HBS1L: variants seen among roughly 807,000 people sequenced by gnomAD.
HBS1L encodes HBS1-like protein.
Under a neutral mutation model 88.9 loss-of-function variants are expected in HBS1L, and 55 were observed. The observed-to-expected ratio is 0.62, with a 90% confidence interval of 0.50 to 0.77. The LOEUF (loss-of-function observed/expected upper bound fraction) is 0.77, where lower values mean the gene tolerates loss of function less well. HBS1L is among the 30% of genes least tolerant of loss of function. The probability of loss-of-function intolerance (pLI) is 0.00; values close to 1 mark genes in which losing one functional copy is unlikely to be tolerated. For synonymous variants in HBS1L, 267 were observed against 288.5 expected (o/e 0.93, Z 0.76); for missense variants, 741 against 829.3 (o/e 0.89, Z 1.31).
At position 134,963,618 on chromosome 6, in the gene HBS1L, C is replaced by A. The variant is rs758199088; in HGVS notation, c.*1661G>T. The A allele has an allele frequency of 6.6e-6, 1 of 152,194 alleles. No individual in the cohort carries two copies. Among genetic ancestry groups the A allele is most frequent in the Non-Finnish European group, 1.5e-5 (1 of 68,066 alleles). 9.4% of individuals were successfully genotyped at this position (152,194 alleles called of 1,614,324 possible). On this transcript the variant is annotated 3_prime_UTR_variant, in exon 18 of 18. Coordinates refer to ENST00000367837, the MANE Select transcript of HBS1L (RefSeq NM_006620.4). ...AATTTTTTCTGTAGAGACATGGTCT[C>A]ACTATATTGCCTTAGCTGGTCTCAA...
At chr6:135,019,664 G>A (rs1392172831) in intron 4 of HBS1L, among the ~76,000 whole-genome samples, 1 of 151,606 alleles carries the variant, frequency 6.6e-6, no homozygotes, top group African/African-American at 2.4e-5. Context: ...GACAGGGAGA[G>A]GTTACTCCAT....
chr6:135,038,662 C>T (rs1378022080), intron 4 of HBS1L, among the ~76,000 whole-genome samples: 1 of 152,160 alleles, frequency 6.6e-6, no homozygotes, highest in East Asian at 1.9e-4. Flanking sequence ...AATCGCCATA[C>T]TCAAACTGAG....
In HBS1L at chr6:135,039,762, G is replaced by A. The variant is rs755897522; in HGVS notation, c.241C>T (p.Leu81Phe). 2.5e-6 allele frequency: 4 copies of A among 1,609,380 alleles called. No homozygotes were observed. The African/African-American group carries it at 5.4e-5, about 22-fold the overall frequency. ...CTCATGTGATCAAGGCATGAATAAA[G>A]ACGAGCTAGAAAAGACGACAATGGT... ...HQLSGFDQAR[L>F]YSCLDHMREV... The change falls in exon 4 of 18, where the codon CTT becomes TTT. Residue 81 changes from leucine to phenylalanine, a missense_variant. This residue lies in a region of HBS1L where 556 missense variants were observed against 598.4 expected (regional missense o/e 0.93). Transcript: ENST00000367837.
At chr6:135,016,676 C>T (rs911344417) in intron 4 of HBS1L, among the ~76,000 whole-genome samples, 2 of 152,156 alleles carry the variant, frequency 1.3e-5, no homozygotes, top group African/African-American at 4.8e-5. Context: ...GTAGCATATA[C>T]TGTTTTCTGT....
intron 9 of HBS1L, 101 bp downstream of exon 9, chr6:134,987,544 C>A: frequency 1.3e-6 from 1 of 767,006 alleles, no homozygotes; most frequent in Non-Finnish European, 1.9e-6. Context: ...ACATGGCAAC[C>A]GACTAATAAA....
At chr6:135,053,751 A>T (rs549954089) in intron 1 of HBS1L, among the ~76,000 whole-genome samples, 1 of 152,356 alleles carries the variant, frequency 6.6e-6, no homozygotes, top group Non-Finnish European at 1.5e-5. Flanking sequence ...CGTAAAGCAT[A>T]GTTCTTTATT....
At position 134,963,803 on chromosome 6, in the gene HBS1L, G is replaced by A. The variant is rs1774239428; in HGVS notation, c.*1476C>T. ...ATGAGTCCTTGCTAACATTGTGTGA[G>A]CTGCTCGATCTAAATGGAATCAAAG... is the stretch of plus-strand genomic sequence containing the variant. On this transcript the variant is annotated 3_prime_UTR_variant, in exon 18 of 18. Coordinates refer to ENST00000367837, the MANE Select transcript of HBS1L (RefSeq NM_006620.4). 1 of 152,122 alleles carries A rather than the reference G, an allele frequency of 6.6e-6. No homozygotes were observed. The highest frequency in any genetic ancestry group is 2.1e-4 in the South Asian group (1 of 4,816). 9.4% of individuals were successfully genotyped at this position (152,122 alleles called of 1,614,324 possible).
intron 4 of HBS1L, among the ~76,000 whole-genome samples, chr6:135,018,102 C>G (rs935088200): frequency 2.6e-5 from 4 of 151,756 alleles, no homozygotes; most frequent in Admixed American, 1.3e-4. Flanking sequence ...TACACACACA[C>G]AAATTAAGAT....
Position 135,039,644 on chromosome 6 carries a change from A to G in HBS1L, c.359T>C (p.Leu120Pro). ...FDVQKALSGV[L>P]EQDRVQSLKD... ...CAAACTCTGCACTCTATCTTGTTCC[A>G]GAACCCCTGACAAAGCCTTCTGCAC... Residue 120 changes from leucine to proline, a missense_variant, in exon 4 of 18, where the codon CTG becomes CCG. Transcript: ENST00000367837. 6.2e-7 allele frequency: 1 copy of G among 1,614,150 alleles called. No individual in the cohort carries two copies.
chr6:135,038,814 T>C (rs888577476), intron 4 of HBS1L, among the ~76,000 whole-genome samples: 6 of 152,216 alleles, frequency 3.9e-5, no homozygotes, highest in African/African-American at 1.4e-4. Flanking sequence ...ATGATACTTA[T>C]ACCTAATTAT....
chr6:135,023,216 G>A (rs764676086), intron 4 of HBS1L, among the ~76,000 whole-genome samples: 7 of 151,982 alleles, frequency 4.6e-5, no homozygotes, highest in Admixed American at 1.3e-4. Context: ...AGGCCGAGGC[G>A]GGCAGATCAC....
Position 134,997,742 on chromosome 6 carries a change from C to T in HBS1L, c.540-86G>A, listed in dbSNP as rs966062835. The T allele has an allele frequency of 2.4e-6, 3 of 1,273,380 alleles. No individual in the cohort carries two copies. The African/African-American group carries it at 4.4e-5, about 19-fold the overall frequency. 78.9% of individuals were successfully genotyped at this position (1,273,380 alleles called of 1,614,324 possible). On this transcript the variant is annotated intron_variant, in intron 5 of 17. Coordinates refer to ENST00000367837, the MANE Select transcript of HBS1L (RefSeq NM_006620.4). ...CAGAAGGGCAGAGAAACTGTTTCTT[C>T]ATAATCCTTTATGCTCCAGACCAGA...
intron 4 of HBS1L, among the ~76,000 whole-genome samples, chr6:135,035,471 T>C (rs1421987803): frequency 6.7e-6 from 1 of 149,408 alleles, no homozygotes; most frequent in Non-Finnish European, 1.5e-5. Flanking sequence ...CCGGGTGCAG[T>C]GGCTCACGCC....
intron 4 of HBS1L, chr6:135,026,853 C>A (rs940429780): frequency 6.7e-6 from 1 of 149,050 alleles, no homozygotes; most frequent in African/African-American, 2.5e-5. Flanking sequence ...TATTAACTTA[C>A]CACACTCAGC....
chr6:135,014,462 G>A (rs528316626), intron 4 of HBS1L, among the ~76,000 whole-genome samples: 4 of 152,228 alleles, frequency 2.6e-5, no homozygotes, highest in East Asian at 3.9e-4. Flanking sequence ...TGAACAGTAC[G>A]ATAAGATGAA....
intron 4 of HBS1L, among the ~76,000 whole-genome samples, chr6:135,009,016 G>C (rs1448879001): frequency 1.3e-5 from 2 of 152,036 alleles, no homozygotes; most frequent in Non-Finnish European, 2.9e-5. Context: ...CTCACTCCTT[G>C]CATTTCATAC....
At chr6:134,992,365 G>A (rs1017139533) in intron 8 of HBS1L, among the ~76,000 whole-genome samples, 6 of 151,984 alleles carry the variant, frequency 3.9e-5, no homozygotes, top group Non-Finnish European at 7.4e-5. Context: ...TGTCATAGTC[G>A]CCATAATGTC....
chr6:135,025,630 CAA>C (rs768226203), intron 4 of HBS1L, among the ~76,000 whole-genome samples: 1 of 151,780 alleles, frequency 6.6e-6, no homozygotes, highest in Non-Finnish European at 1.5e-5. Flanking sequence ...AAAATGCTGT[CAA>C]AAAAGAAATC....
intron 4 of HBS1L, chr6:135,037,179 G>C: frequency 6.4e-7 from 1 of 1,551,702 alleles, no homozygotes; most frequent in Non-Finnish European, 8.7e-7. Context: ...CTGATATTCC[G>C]GGTGAAGACT....
Sources: gnomAD v4.1 joint callset for allele counts (sites outside exome capture counted in the v4.1 genomes callset) on GRCh38, gnomAD v4.1.1 for gene constraint, gnomAD v4.1.1 regional missense constraint, MANE v1.5 for transcripts, NCBI Gene and HGNC (gene_info 2026-07-23, HGNC 2026-07-21) for gene names.